ARHGAP26: variants seen among roughly 807,000 people sequenced by gnomAD.
The protein encoded by ARHGAP26 is rho GTPase-activating protein 26.
In ARHGAP26, 38 loss-of-function variants were observed where a neutral mutation model predicts 104.8. The observed-to-expected ratio is 0.36, with a 90% CI of 0.28 to 0.48. The LOEUF (loss-of-function observed/expected upper bound fraction) is 0.48. ARHGAP26 is among the 20% of genes least tolerant of loss of function. ARHGAP26 has a pLI of 0.99. For missense variants in ARHGAP26, 704 were observed against 947.9 expected (o/e 0.74, Z 3.38); for synonymous variants, 341 against 340.0 (o/e 1.00, Z -0.03).
chr5:142,933,283 T>C (rs766978493), intron 11 of ARHGAP26, among the ~76,000 whole-genome samples: 5 of 152,230 alleles, frequency 3.3e-5, no homozygotes, highest in Non-Finnish European at 5.9e-5. Flanking sequence ...TTTTACATGT[T>C]AGGCACAGGA....
At chr5:142,997,424 G>A (rs1348659344) in intron 11 of ARHGAP26, among the ~76,000 whole-genome samples, 2 of 151,886 alleles carry the variant, frequency 1.3e-5, no homozygotes, top group East Asian at 1.9e-4. Context: ...TGAGGGGTTG[G>A]TGGGGACAGG....
At chr5:142,847,256 A>G (rs1010183996) in intron 1 of ARHGAP26, among the ~76,000 whole-genome samples, 1 of 152,116 alleles carries the variant, frequency 6.6e-6, no homozygotes. Context: ...TAAAATTACT[A>G]TTATTAGGTA....
At chr5:143,221,950 A>T (rs1264717737) in intron 22 of ARHGAP26, among the ~76,000 whole-genome samples, 4 of 151,892 alleles carry the variant, frequency 2.6e-5, no homozygotes, top group Non-Finnish European at 5.9e-5. Flanking sequence ...GGAAGGAAGG[A>T]TGGAAGGATG....
chr5:142,925,129 G>A (rs1478755006), intron 10 of ARHGAP26, among the ~76,000 whole-genome samples: 1 of 152,142 alleles, frequency 6.6e-6, no homozygotes, highest in East Asian at 1.9e-4. Flanking sequence ...CTTCCCGCAT[G>A]CCAGCTACCG....
At chr5:143,011,891 G>C (rs1417310918) in intron 11 of ARHGAP26, among the ~76,000 whole-genome samples, 2 of 152,164 alleles carry the variant, frequency 1.3e-5, no homozygotes, top group East Asian at 3.8e-4. Flanking sequence ...CAGTAGTAGA[G>C]TCCAAAGCGC....
intron 11 of ARHGAP26, among the ~76,000 whole-genome samples, chr5:142,964,093 A>G (rs1157469379): frequency 6.6e-6 from 1 of 152,202 alleles, no homozygotes; most frequent in African/African-American, 2.4e-5. Flanking sequence ...GACTGACAGA[A>G]CTGAAATGCT....
At chr5:142,839,565 C>T (rs1770330352) in intron 1 of ARHGAP26, among the ~76,000 whole-genome samples, 1 of 151,674 alleles carries the variant, frequency 6.6e-6, no homozygotes. Context: ...AAAAGAATAC[C>T]CCTCTGGGTT....
chr5:142,884,486 C>G (rs907174740), intron 4 of ARHGAP26, among the ~76,000 whole-genome samples: 2 of 152,172 alleles, frequency 1.3e-5, no homozygotes, highest in Non-Finnish European at 2.9e-5. Flanking sequence ...ACCCCATTAC[C>G]ATAACTCAGG....
chr5:143,150,943 T>A (rs1250437080), intron 20 of ARHGAP26, among the ~76,000 whole-genome samples: 8 of 152,312 alleles, frequency 5.3e-5, no homozygotes, highest in Admixed American at 5.2e-4. Context: ...AACTAAAAAC[T>A]TCTGCTCTGT....
At chr5:142,928,231 G>GTT (rs369377056) in intron 10 of ARHGAP26, among the ~76,000 whole-genome samples, 43 of 130,092 alleles carry the variant, frequency 3.3e-4, no homozygotes, top group Non-Finnish European at 3.9e-4. Context: ...GTGTGTGTGT[G>GTT]TTTTTTTTTT....
intron 14 of ARHGAP26, among the ~76,000 whole-genome samples, chr5:143,048,525 T>A (rs912693182): frequency 4.2e-4 from 64 of 151,928 alleles, no homozygotes; most frequent in African/African-American, 1.5e-3. Flanking sequence ...CCTCCCAAAG[T>A]GCTGGAATTA....
At chr5:143,219,776 C>T (rs1400519218) in intron 22 of ARHGAP26, among the ~76,000 whole-genome samples, 1 of 152,202 alleles carries the variant, frequency 6.6e-6, no homozygotes, top group South Asian at 2.1e-4. Context: ...GTGTCCCATT[C>T]CCAGAGATTC....
intron 1 of ARHGAP26, among the ~76,000 whole-genome samples, chr5:142,850,860 A>G (rs540852123): frequency 9.8e-5 from 15 of 152,320 alleles, no homozygotes; most frequent in Middle Eastern, 6.8e-3. Context: ...CTTTAAAGAG[A>G]AAGGATTTTA....
intron 11 of ARHGAP26, among the ~76,000 whole-genome samples, chr5:142,972,195 AG>A (rs1200416751): frequency 6.9e-6 from 1 of 145,824 alleles, no homozygotes; most frequent in Non-Finnish European, 1.5e-5. Flanking sequence ...AAAAAAAAAA[AG>A]ATACAGTTGT....
intron 12 of ARHGAP26, among the ~76,000 whole-genome samples, chr5:143,018,481 AT>A (rs778050818): frequency 9.2e-5 from 14 of 152,208 alleles, no homozygotes; most frequent in Non-Finnish European, 7.3e-5. Context: ...TGTCTTGCAC[AT>A]TTAAGTTTCT....
intron 11 of ARHGAP26, among the ~76,000 whole-genome samples, chr5:142,977,412 C>T (rs37196): frequency 0.054 from 8,198 of 151,912 alleles, 471 homozygotes; most frequent in East Asian, 0.26. Flanking sequence ...CATCAATTAA[C>T]CTTATTAAAA....
chr5:142,867,741 C>T (rs1377224208), intron 1 of ARHGAP26: 1 of 152,198 alleles, frequency 6.6e-6, no homozygotes, highest in Non-Finnish European at 1.5e-5. Context: ...CTGTGGGACT[C>T]TTCCTCAATG....
chr5:142,949,201 GAGAGAGAGAGAGAGAGAGAGGAGA>G (rs1165778419), intron 11 of ARHGAP26, among the ~76,000 whole-genome samples: 13 of 15,214 alleles, frequency 8.5e-4, no homozygotes, highest in East Asian at 3.5e-3. Flanking sequence ...GAGAGAGAGA[GAGAGAGAGAGAGAGAGAGAGGAGA>G]GAGAGAGGAG....
intron 10 of ARHGAP26, among the ~76,000 whole-genome samples, chr5:142,929,727 G>A (rs528265440): frequency 6.6e-6 from 1 of 152,326 alleles, no homozygotes; most frequent in South Asian, 2.1e-4. Flanking sequence ...TTCCTCTGTG[G>A]CTTGGGGTGG....
Sources: gnomAD v4.1 joint callset for allele counts (sites outside exome capture counted in the v4.1 genomes callset) on GRCh38, gnomAD v4.1.1 for gene constraint, MANE v1.5 for transcripts, NCBI Gene and HGNC (gene_info 2026-07-23, HGNC 2026-07-21) for gene names.